KLRG1: variants seen among roughly 807,000 people sequenced by gnomAD.
KLRG1 encodes killer cell lectin-like receptor subfamily G member 1.
A neutral mutation model predicts 21.8 loss-of-function variants in KLRG1; 16 were observed. The observed-to-expected ratio is 0.73, with a 90% CI of 0.50 to 1.11. The LOEUF (loss-of-function observed/expected upper bound fraction) is 1.11. Among genes scored for constraint, KLRG1 ranks in the 50% most tolerant of loss-of-function variants. The pLI is 0.00. For synonymous variants in KLRG1, 69 were observed against 75.9 expected (o/e 0.91, Z 0.47); for missense variants, 173 against 218.3 (o/e 0.79, Z 1.31).
At chr12:8,960,533 C>T (rs768418546) in intron 1 of KLRG1, among the ~76,000 whole-genome samples, 52 of 152,258 alleles carry the variant, frequency 3.4e-4, no homozygotes, top group African/African-American at 5.8e-4. Flanking sequence ...GACTCACTAG[C>T]GCATTCAAAT....
the KLRG1 span, chr12:9,091,390 G>A: frequency 3.7e-6 from 6 of 1,614,212 alleles, no homozygotes; most frequent in Admixed American, 1.7e-5. Flanking sequence ...CGGTGATGGT[G>A]TCAGGGACTG....
the KLRG1 span, among the ~76,000 whole-genome samples, chr12:9,138,765 C>T: frequency 2.4e-4 from 37 of 151,938 alleles, no homozygotes; most frequent in African/African-American, 7.0e-4. Flanking sequence ...CTAGGTTATT[C>T]GATTAGTTGA....
the KLRG1 span, chr12:9,070,646 A>C: frequency 0.14 from 149,755 of 1,061,520 alleles, 11,143 homozygotes; most frequent in African/African-American, 0.18. Flanking sequence ...TTCTATGTCC[A>C]TGTTAAGCAT....
At chr12:9,111,404 G>T in the KLRG1 span, 2 of 400,250 alleles carry the variant, frequency 5.0e-6, no homozygotes, top group Non-Finnish European at 9.9e-6. Flanking sequence ...TTAGACAGAG[G>T]AGTGAAAGTA....
the KLRG1 span, among the ~76,000 whole-genome samples, chr12:9,070,983 A>G: frequency 3.3e-5 from 5 of 151,890 alleles, no homozygotes; most frequent in Non-Finnish European, 5.9e-5. Context: ...ACCACGTCCG[A>G]CTAATTTTGT....
chr12:9,181,220 T>A, the KLRG1 span: 21 of 1,527,534 alleles, frequency 1.4e-5, no homozygotes, highest in Non-Finnish European at 1.7e-5. Context: ...ACCCTTATAT[T>A]CAGTTCATAT....
chr12:9,169,423 A>AT, the KLRG1 span: 2 of 1,585,224 alleles, frequency 1.3e-6, no homozygotes, highest in Non-Finnish European at 1.7e-6. Flanking sequence ...AGTAGTGAGA[A>AT]TTTTACCTTG....
chr12:9,193,763 G>C, the KLRG1 span, among the ~76,000 whole-genome samples: 1 of 151,946 alleles, frequency 6.6e-6, no homozygotes, highest in African/African-American at 2.4e-5. Flanking sequence ...AAGTGACCTG[G>C]AAAAAATAAC....
the KLRG1 span, among the ~76,000 whole-genome samples, chr12:9,143,035 A>G: frequency 2.6e-5 from 4 of 152,376 alleles, no homozygotes; most frequent in East Asian, 7.7e-4. Context: ...AGAGAAAAAC[A>G]TAAAGGCCTT....
the KLRG1 span, chr12:9,076,962 C>T: frequency 6.5e-7 from 1 of 1,539,060 alleles, no homozygotes; most frequent in Non-Finnish European, 8.7e-7. Context: ...AAGAAGGGAA[C>T]TAAGCTATGT....
At chr12:9,044,058 T>C in the KLRG1 span, among the ~76,000 whole-genome samples, 9 of 152,206 alleles carry the variant, frequency 5.9e-5, no homozygotes, top group Admixed American at 3.3e-4. Flanking sequence ...TGTCAACCCA[T>C]GAAACTGTGA....
At chr12:9,074,615 A>G in the KLRG1 span, 1 of 1,613,656 alleles carries the variant, frequency 6.2e-7, no homozygotes, top group African/African-American at 1.3e-5. Flanking sequence ...CCACTTCACG[A>G]TGTTGGTTGC....
At chr12:9,143,779 C>G in the KLRG1 span, among the ~76,000 whole-genome samples, 1 of 152,150 alleles carries the variant, frequency 6.6e-6, no homozygotes, top group Non-Finnish European at 1.5e-5. Flanking sequence ...TTTATGCTTC[C>G]CATAAGCCAA....
At chr12:9,090,608 A>G in the KLRG1 span, 3 of 925,142 alleles carry the variant, frequency 3.2e-6, no homozygotes, top group Non-Finnish European at 4.8e-6. Flanking sequence ...GATATAAATG[A>G]AGATCAAGTA....
At chr12:8,993,336 T>C (rs1592265861) in intron 2 of KLRG1, among the ~76,000 whole-genome samples, 1 of 152,280 alleles carries the variant, frequency 6.6e-6, no homozygotes, top group East Asian at 1.9e-4. Flanking sequence ...TTGTTTGGGC[T>C]GGAGTGCAAT....
chr12:9,171,761 C>G, the KLRG1 span, among the ~76,000 whole-genome samples: 7 of 151,958 alleles, frequency 4.6e-5, no homozygotes, highest in Admixed American at 4.6e-4. Context: ...GATTATCTAT[C>G]TGAAATAAGA....
chr12:9,202,253 C>T, the KLRG1 span: 3 of 1,371,484 alleles, frequency 2.2e-6, no homozygotes, highest in South Asian at 1.2e-5. Context: ...TTGTACCTTT[C>T]TACCTCACTC....
chr12:9,181,820 C>G, the KLRG1 span, among the ~76,000 whole-genome samples: 2 of 152,174 alleles, frequency 1.3e-5, no homozygotes, highest in Non-Finnish European at 1.5e-5. Flanking sequence ...AAGTGCTGTA[C>G]TAGATCCCTA....
At chr12:8,952,713 G>C (rs774060661) in intron 1 of KLRG1, among the ~76,000 whole-genome samples, 1 of 152,206 alleles carries the variant, frequency 6.6e-6, no homozygotes, top group Non-Finnish European at 1.5e-5. Context: ...AAATATATCA[G>C]TGTGTATTTC....
Sources: gnomAD v4.1 joint callset for allele counts (sites outside exome capture counted in the v4.1 genomes callset) on GRCh38, gnomAD v4.1.1 for gene constraint, MANE v1.5 for transcripts, NCBI Gene and HGNC (gene_info 2026-07-23, HGNC 2026-07-21) for gene names.